The following RNF38 variants were observed in gnomAD, a reference collection of about 807,000 sequenced individuals.
The protein encoded by RNF38 is ring finger protein 38, also known as E3 ubiquitin-protein ligase RNF38.
Under a neutral mutation model 67.2 loss-of-function variants are expected in RNF38, and 15 were observed. The observed-to-expected ratio is 0.22, with a 90% confidence interval of 0.15 to 0.34. The LOEUF is 0.34. Among genes scored for constraint, RNF38 ranks in the 10% least tolerant of loss-of-function variants. The probability of loss-of-function intolerance (pLI) is 1.00; values close to 1 mark genes in which losing one functional copy is unlikely to be tolerated. For synonymous variants in RNF38, 220 were observed against 218.8 expected (o/e 1.01, Z -0.05); for missense variants, 524 against 639.9 (o/e 0.82, Z 1.95).
chr9:36,353,377 C>A, intron 6 of RNF38, 46 bp from the exon 7 acceptor site: 1 of 1,243,610 alleles, frequency 8.0e-7, no homozygotes, highest in Non-Finnish European at 1.1e-6. Flanking sequence ...TATATATATA[C>A]TTCCTGTGTT....
At chr9:36,471,967 GTTTC>G (rs1840008460) in intron 1 of RNF38, among the ~76,000 whole-genome samples, 1 of 152,012 alleles carries the variant, frequency 6.6e-6, no homozygotes, top group South Asian at 2.1e-4. Flanking sequence ...GAAGAGGAAT[GTTTC>G]TTTTTTTTAG....
chr9:36,446,166 CAAGCGTT>C (rs1311463630), intron 1 of RNF38, among the ~76,000 whole-genome samples: 2 of 152,176 alleles, frequency 1.3e-5, no homozygotes, highest in African/African-American at 4.8e-5. Context: ...TAGCCCTGCC[CAAGCGTT>C]AACTATGCCA....
At chr9:36,473,917 C>A (rs78339729) in intron 1 of RNF38, among the ~76,000 whole-genome samples, 1 of 144,508 alleles carries the variant, frequency 6.9e-6, no homozygotes, top group Non-Finnish European at 1.5e-5. Flanking sequence ...ACCTGGGAGG[C>A]GGACGTTGCA....
At position 36,474,559 on chromosome 9, in the gene RNF38, T is replaced by C. The variant is rs547185534; in HGVS notation, n.241+12749A>G. Among the ~76,000 whole-genome samples the C allele has an allele frequency of 1.0e-3, 154 of 148,272 alleles. 6 individuals are homozygous for C. The highest frequency in any genetic ancestry group is 1.8e-3 in the Non-Finnish European group (118 of 67,240). On this transcript the variant is annotated intron_variant and non_coding_transcript_variant, in intron 1 of 3. Coordinates refer to the RNF38 transcript ENST00000488058. The stretch of plus-strand genomic sequence containing the variant: ...TCTGGAATTAGACTACCTGGGTTCA[T>C]ATCCCAGGTAACACTCCTAATAGCT...
chr9:36,450,459 T>A (rs960136971), intron 1 of RNF38, among the ~76,000 whole-genome samples: 3 of 152,154 alleles, frequency 2.0e-5, no homozygotes, highest in African/African-American at 7.2e-5. Context: ...ACTATAAATT[T>A]CTACATGTTT....
At position 36,387,198 on chromosome 9, in the gene RNF38, G is replaced by C. The variant is rs564693098; in HGVS notation, c.162+3269C>G. ...AAAAATGGGCAACCAGCAGGCCTTA[G>C]GGCTGCTCTCCTTTACTTTCTTAAT... is the stretch of plus-strand genomic sequence containing the variant. On this transcript the variant is annotated intron_variant, in intron 2 of 11. Transcript: ENST00000259605. Among the ~76,000 whole-genome samples, 5 of 152,280 alleles carry C rather than the reference G, an allele frequency of 3.3e-5. No individual in the cohort carries two copies. The East Asian group carries it at 9.6e-4, about 29-fold the overall frequency.
chr9:36,376,043 G>C lies in RNF38; in HGVS notation c.247C>G (p.Pro83Ala), dbSNP rs779131542. 1 of 1,613,294 alleles carries C rather than the reference G, an allele frequency of 6.2e-7. No homozygotes were observed. The highest frequency in any genetic ancestry group is 1.1e-5 in the South Asian group (1 of 90,844). The stretch of plus-strand genomic sequence containing the variant: ...GATGTCATCTCCCATGGTCGCATTG[G>C]TGGTGAGGGAGCTGGTGATGCTGAT... ...YTSASPAPSP[P>A]MRPWEMTSNR... The change falls in exon 3 of 12, where the codon CCA becomes GCA. Residue 83 changes from proline (P) to alanine (A), a missense_variant. This residue lies in a region of RNF38 where 461 missense variants were observed against 517.4 expected (regional missense o/e 0.89). Transcript: ENST00000259605.
At chr9:36,471,787 G>C (rs1587201989) in intron 1 of RNF38, among the ~76,000 whole-genome samples, 3 of 152,166 alleles carry the variant, frequency 2.0e-5, no homozygotes, top group African/African-American at 7.2e-5. Context: ...TAGAAATGGA[G>C]TCTTGCTATG....
At chr9:36,447,043 C>T (rs1839324320) in intron 1 of RNF38, among the ~76,000 whole-genome samples, 1 of 149,958 alleles carries the variant, frequency 6.7e-6, no homozygotes, top group Admixed American at 6.7e-5. Flanking sequence ...AGGAGAATTG[C>T]TTGAACACAG....
intron 4 of RNF38, among the ~76,000 whole-genome samples, chr9:36,368,137 G>A (rs1019569552): frequency 2.0e-4 from 30 of 152,178 alleles, no homozygotes; most frequent in African/African-American, 6.7e-4. Flanking sequence ...TACAGACGTG[G>A]GCCACTGCAC....
chr9:36,395,894 C>T (rs1444211950), intron 1 of RNF38, among the ~76,000 whole-genome samples: 1 of 152,088 alleles, frequency 6.6e-6, no homozygotes, highest in Non-Finnish European at 1.5e-5. Context: ...AACACTACTA[C>T]TTGGGGGAGG....
intron 1 of RNF38, among the ~76,000 whole-genome samples, chr9:36,396,102 A>G (rs552066306): frequency 1.3e-5 from 2 of 152,364 alleles, no homozygotes; most frequent in Admixed American, 6.5e-5. Flanking sequence ...TGTCCTGTTC[A>G]GCACAATGTC....
intron 1 of RNF38, among the ~76,000 whole-genome samples, chr9:36,484,412 G>A (rs1840351638): frequency 6.6e-6 from 1 of 152,162 alleles, no homozygotes; most frequent in Non-Finnish European, 1.5e-5. Context: ...CCATTATTAT[G>A]AAACAAAAAC....
intron 5 of RNF38, among the ~76,000 whole-genome samples, chr9:36,356,748 G>A (rs939411262): frequency 6.7e-6 from 1 of 149,704 alleles, no homozygotes; most frequent in Admixed American, 6.7e-5. Flanking sequence ...GGGCGGGTGT[G>A]GGGGGGGCGG....
upstream of RNF38, among the ~76,000 whole-genome samples, chr9:36,401,723 T>A (rs1297109381): frequency 1.3e-5 from 2 of 152,148 alleles, no homozygotes; most frequent in Non-Finnish European, 2.9e-5. Context: ...GTATCAGACT[T>A]AAGGAGAGAG....
Position 36,337,903 on chromosome 9 carries a change from G to T in RNF38, c.*1849C>A, listed in dbSNP as rs1216262928. Reference sequence around the variant, plus strand: ...TGTAGGACTAGATAGAGGCAACAATGTCTCGCAAAGGGCAAAATTGTGCTT... The same window carrying T: ...TGTAGGACTAGATAGAGGCAACAATTTCTCGCAAAGGGCAAAATTGTGCTT... On this transcript the variant is annotated 3_prime_UTR_variant, in exon 12 of 12. Coordinates refer to ENST00000259605, the MANE Select transcript of RNF38 (RefSeq NM_022781.5). 1 of 152,646 alleles carries T rather than the reference G, an allele frequency of 6.6e-6. No homozygotes were observed. Among genetic ancestry groups the T allele is most frequent in the Non-Finnish European group, 1.5e-5 (1 of 68,040 alleles). 9.5% of individuals were successfully genotyped at this position (152,646 alleles called of 1,614,324 possible).
intron 2 of RNF38, among the ~76,000 whole-genome samples, chr9:36,378,503 C>T (rs1447365270): frequency 6.6e-6 from 1 of 152,024 alleles, no homozygotes; most frequent in African/African-American, 2.4e-5. Context: ...AAACAAAATG[C>T]TAGTAACGAA....
At chr9:36,426,934 A>T (rs539242400) in intron 1 of RNF38, among the ~76,000 whole-genome samples, 1 of 152,360 alleles carries the variant, frequency 6.6e-6, no homozygotes, top group African/African-American at 2.4e-5. Context: ...GATGTATGAA[A>T]AAGCTCATAG....
chr9:36,460,471 A>AG (rs1261974270), intron 1 of RNF38, among the ~76,000 whole-genome samples: 1 of 152,184 alleles, frequency 6.6e-6, no homozygotes, highest in Non-Finnish European at 1.5e-5. Flanking sequence ...CACCAAGAAC[A>AG]GGGTTGATCC....
Sources: allele counts gnomAD v4.1 joint callset (sites outside exome capture counted in the v4.1 genomes callset), GRCh38; gene constraint gnomAD v4.1.1; regional missense constraint gnomAD v4.1.1; transcripts MANE v1.5; gene names NCBI Gene and HGNC (gene_info 2026-07-23, HGNC 2026-07-21).